The following ERC2 variants were observed in gnomAD, a reference collection of about 807,000 sequenced individuals.
The protein encoded by ERC2 is ERC protein 2.
Under a neutral mutation model 114.8 loss-of-function variants are expected in ERC2, and 42 were observed. The ratio of observed to expected loss-of-function variants is 0.37; its 90% CI spans 0.29 to 0.47. The LOEUF (loss-of-function observed/expected upper bound fraction) is 0.47. Among genes scored for constraint, ERC2 ranks in the 20% least tolerant of loss-of-function variants. ERC2 has a pLI of 0.99. For synonymous variants in ERC2, 454 were observed against 425.5 expected (o/e 1.07, Z -0.82); for missense variants, 939 against 1,150.7 (o/e 0.82, Z 2.66).
intron 14 of ERC2, among the ~76,000 whole-genome samples, chr3:55,736,330 G>A (rs1029388534): frequency 3.9e-5 from 6 of 152,044 alleles, no homozygotes; most frequent in Non-Finnish European, 7.4e-5. Context: ...AGCACATTTC[G>A]TTCCAGGTCT....
intron 6 of ERC2, among the ~76,000 whole-genome samples, chr3:56,102,438 C>A (rs1191127209): frequency 6.6e-6 from 1 of 152,108 alleles, no homozygotes; most frequent in Non-Finnish European, 1.5e-5. Flanking sequence ...ACAAAGAACA[C>A]GGGGTGAGAA....
chr3:56,101,911 C>T (rs1349050852), intron 6 of ERC2, among the ~76,000 whole-genome samples: 7 of 152,184 alleles, frequency 4.6e-5, no homozygotes, highest in Non-Finnish European at 5.9e-5. Context: ...AGAAACTTTG[C>T]AGCTTTTCCC....
intron 17 of ERC2, among the ~76,000 whole-genome samples, chr3:55,634,770 A>G (rs2059891113): frequency 1.3e-5 from 2 of 152,174 alleles, no homozygotes; most frequent in Non-Finnish European, 2.9e-5. Context: ...GGATAACGCA[A>G]TCTCACTTTT....
intron 3 of ERC2, among the ~76,000 whole-genome samples, chr3:56,292,587 C>T (rs886513934): frequency 3.3e-5 from 5 of 151,570 alleles, no homozygotes; most frequent in Non-Finnish European, 7.4e-5. Context: ...GAGACCCCGT[C>T]CCCCACCGCC....
intron 6 of ERC2, among the ~76,000 whole-genome samples, chr3:56,122,455 C>T (rs1361497306): frequency 1.3e-5 from 2 of 151,998 alleles, no homozygotes; most frequent in African/African-American, 4.8e-5. Flanking sequence ...TTTTGTTTTA[C>T]CTTAAAAAAA....
intron 3 of ERC2, among the ~76,000 whole-genome samples, chr3:56,215,743 G>A (rs2049419514): frequency 6.6e-6 from 1 of 152,176 alleles, no homozygotes; most frequent in Non-Finnish European, 1.5e-5. Flanking sequence ...ATAGTTGGAA[G>A]TAAAGCACTC....
At chr3:55,719,479 G>A (rs183042542) in intron 15 of ERC2, among the ~76,000 whole-genome samples, 2 of 152,276 alleles carry the variant, frequency 1.3e-5, no homozygotes, top group East Asian at 3.9e-4. Flanking sequence ...CTTGGAAAAT[G>A]TTGGAAACAA....
At chr3:56,213,546 G>T (rs2049227454) in intron 3 of ERC2, among the ~76,000 whole-genome samples, 1 of 152,214 alleles carries the variant, frequency 6.6e-6, no homozygotes, top group African/African-American at 2.4e-5. Flanking sequence ...GCCCATCCCA[G>T]CTCAAGGAGG....
chr3:55,910,361 C>T (rs552466818), intron 13 of ERC2, among the ~76,000 whole-genome samples: 1 of 151,972 alleles, frequency 6.6e-6, no homozygotes, highest in South Asian at 2.1e-4. Flanking sequence ...CACTGCATTC[C>T]AGCCCGGGTG....
intron 14 of ERC2, among the ~76,000 whole-genome samples, chr3:55,755,115 A>G (rs1012165518): frequency 1.3e-5 from 2 of 152,068 alleles, no homozygotes; most frequent in African/African-American, 4.8e-5. Context: ...CATTTCCTCA[A>G]AGATCCATCT....
intron 13 of ERC2, among the ~76,000 whole-genome samples, chr3:55,934,579 C>T (rs1240445357): frequency 3.9e-5 from 6 of 152,102 alleles, no homozygotes; most frequent in South Asian, 4.1e-4. Context: ...TCCAGGCCTA[C>T]GTAACTCTAG....
intron 3 of ERC2, among the ~76,000 whole-genome samples, chr3:56,256,025 T>C (rs77532467): frequency 0.011 from 1,613 of 152,322 alleles, 26 homozygotes; most frequent in African/African-American, 0.037. Flanking sequence ...TCAATGTGGA[T>C]CTTCCTCTAC....
At chr3:55,545,615 C>G (rs959635334) in intron 17 of ERC2, among the ~76,000 whole-genome samples, 12 of 152,206 alleles carry the variant, frequency 7.9e-5, no homozygotes, top group Non-Finnish European at 2.9e-5. Context: ...CTCCAAGAAG[C>G]ACTCACAGAA....
At chr3:55,711,223 G>C (rs950538164) in intron 15 of ERC2, among the ~76,000 whole-genome samples, 11 of 152,126 alleles carry the variant, frequency 7.2e-5, no homozygotes, top group African/African-American at 2.7e-4. Flanking sequence ...CAGAACTACT[G>C]ATTAGGCTTT....
intron 14 of ERC2, among the ~76,000 whole-genome samples, chr3:55,817,027 G>A (rs1161952661): frequency 6.6e-6 from 1 of 152,182 alleles, no homozygotes; most frequent in African/African-American, 2.4e-5. Flanking sequence ...CTGAGCACAC[G>A]ATGCTTCAAA....
intron 14 of ERC2, among the ~76,000 whole-genome samples, chr3:55,785,189 A>C (rs772147184): frequency 8.5e-5 from 13 of 152,246 alleles, no homozygotes; most frequent in Non-Finnish European, 1.9e-4. Flanking sequence ...TTCAGGGTAC[A>C]CAAGGAAAAC....
intron 4 of ERC2, among the ~76,000 whole-genome samples, chr3:56,151,366 C>T (rs1449198468): frequency 6.6e-6 from 1 of 152,000 alleles, no homozygotes; most frequent in Non-Finnish European, 1.5e-5. Flanking sequence ...TGTGCCCAGC[C>T]AATATTTCTG....
intron 14 of ERC2, among the ~76,000 whole-genome samples, chr3:55,777,321 T>C (rs866429345): frequency 6.6e-5 from 10 of 152,294 alleles, no homozygotes; most frequent in African/African-American, 1.7e-4. Context: ...AGGAAAAAGC[T>C]GCAACTGTGT....
intron 2 of ERC2, among the ~76,000 whole-genome samples, chr3:56,423,916 C>T (rs1008220648): frequency 2.6e-5 from 4 of 152,186 alleles, no homozygotes; most frequent in African/African-American, 9.7e-5. Context: ...CAAATGCCAA[C>T]TGGGGGTGGT....
Sources: allele counts gnomAD v4.1 joint callset (sites outside exome capture counted in the v4.1 genomes callset), GRCh38; gene constraint gnomAD v4.1.1; transcripts MANE v1.5; gene names NCBI Gene and HGNC (gene_info 2026-07-23, HGNC 2026-07-21).